The following LRRC4C variants were observed in gnomAD, a reference collection of about 807,000 sequenced individuals.
LRRC4C encodes the protein leucine rich repeat containing 4C.
A neutral mutation model predicts 33.6 loss-of-function variants in LRRC4C; 5 were observed. The observed-to-expected ratio is 0.15, with a 90% confidence interval of 0.08 to 0.31. The LOEUF (loss-of-function observed/expected upper bound fraction) is 0.31, where lower values mean the gene tolerates loss of function less well. LRRC4C is among the 10% of genes least tolerant of loss of function. LRRC4C has a pLI of 1.00. For synonymous variants in LRRC4C, 329 were observed against 302.0 expected (o/e 1.09, Z -0.93); for missense variants, 560 against 796.7 (o/e 0.70, Z 3.58).
At chr11:40,633,029 C>A (rs1207829914) in intron 3 of LRRC4C, among the ~76,000 whole-genome samples, 15 of 152,076 alleles carry the variant, frequency 9.9e-5, no homozygotes, top group Admixed American at 9.8e-4. Flanking sequence ...TTTTTCTTAA[C>A]CATTTTATGT....
chr11:40,574,353 T>C (rs1958098903), intron 3 of LRRC4C, among the ~76,000 whole-genome samples: 1 of 152,146 alleles, frequency 6.6e-6, no homozygotes, highest in Non-Finnish European at 1.5e-5. Flanking sequence ...AGCCCTGACA[T>C]GGGAAGCTGG....
At chr11:40,789,507 T>C (rs1950546960) in intron 2 of LRRC4C, among the ~76,000 whole-genome samples, 1 of 152,188 alleles carries the variant, frequency 6.6e-6, no homozygotes. Flanking sequence ...TCTCTCTCTC[T>C]CTCTGTTTTA....
intron 1 of LRRC4C, among the ~76,000 whole-genome samples, chr11:41,007,515 C>T (rs1592320404): frequency 6.6e-6 from 1 of 151,890 alleles, no homozygotes; most frequent in Non-Finnish European, 1.5e-5. Context: ...TGTAGCAATA[C>T]CACTTCTAGG....
intron 6 of LRRC4C, among the ~76,000 whole-genome samples, chr11:40,127,107 T>C (rs1197737235): frequency 1.3e-5 from 2 of 151,316 alleles, no homozygotes; most frequent in Non-Finnish European, 2.9e-5. Context: ...TGAAACCCCG[T>C]CTCTACTAAA....
At chr11:41,102,832 G>A (rs1191318998) in intron 1 of LRRC4C, among the ~76,000 whole-genome samples, 3 of 152,020 alleles carry the variant, frequency 2.0e-5, no homozygotes, top group Admixed American at 2.0e-4. Context: ...TAGGAACAAA[G>A]AATGCTAATG....
chr11:40,432,475 G>C (rs910613128), intron 3 of LRRC4C, among the ~76,000 whole-genome samples: 1 of 152,126 alleles, frequency 6.6e-6, no homozygotes, highest in Admixed American at 6.5e-5. Context: ...GGTTCTTAAC[G>C]TATTGCTAAA....
chr11:40,838,374 T>C (rs7128152), intron 2 of LRRC4C, among the ~76,000 whole-genome samples: 31,534 of 152,146 alleles, frequency 0.21, 3,869 homozygotes, highest in African/African-American at 0.34. Context: ...CAGAATATCT[T>C]CTTCTGGGAT....
intron 1 of LRRC4C, among the ~76,000 whole-genome samples, chr11:41,347,461 T>G (rs1951840730): frequency 6.6e-6 from 1 of 152,162 alleles, no homozygotes; most frequent in Non-Finnish European, 1.5e-5. Flanking sequence ...CACTTGATCA[T>G]GTGCTTCAAA....
chr11:40,629,985 C>T (rs1487420404), intron 3 of LRRC4C, among the ~76,000 whole-genome samples: 1 of 152,016 alleles, frequency 6.6e-6, no homozygotes, highest in Non-Finnish European at 1.5e-5. Flanking sequence ...ACTAAAATCT[C>T]TAATATCATA....
At chr11:40,418,306 AAC>A in intron 3 of LRRC4C, among the ~76,000 whole-genome samples, 1 of 152,354 alleles carries the variant, frequency 6.6e-6, no homozygotes, top group South Asian at 2.1e-4. Context: ...AAAGGAAAAG[AAC>A]AGACACTTCT....
intron 2 of LRRC4C, among the ~76,000 whole-genome samples, chr11:40,667,781 C>A (rs1943892090): frequency 6.6e-6 from 1 of 152,168 alleles, no homozygotes; most frequent in Non-Finnish European, 1.5e-5. Context: ...GAAGAAGACT[C>A]CAAACTTCAG....
At chr11:40,510,758 A>T (rs549597847) in intron 3 of LRRC4C, among the ~76,000 whole-genome samples, 13 of 152,326 alleles carry the variant, frequency 8.5e-5, no homozygotes, top group African/African-American at 2.9e-4. Context: ...TGGGAAAACC[A>T]TTGCAGGACT....
At chr11:40,236,370 A>G (rs1865558991) in intron 5 of LRRC4C, among the ~76,000 whole-genome samples, 1 of 152,174 alleles carries the variant, frequency 6.6e-6, no homozygotes, top group Admixed American at 6.5e-5. Flanking sequence ...TTTTCCTCAT[A>G]TGACTGCATA....
At chr11:41,081,523 T>C (rs1018416239) in intron 1 of LRRC4C, among the ~76,000 whole-genome samples, 7 of 152,108 alleles carry the variant, frequency 4.6e-5, no homozygotes, top group Non-Finnish European at 1.5e-5. Flanking sequence ...ACTTCTCTCC[T>C]TCTCTTTCAG....
chr11:41,361,965 G>A (rs553951055), intron 1 of LRRC4C, among the ~76,000 whole-genome samples: 1 of 152,172 alleles, frequency 6.6e-6, no homozygotes, highest in East Asian at 1.9e-4. Context: ...ATTAATAATT[G>A]CTACTATTCA....
rs140429192 is a variant in LRRC4C at position 40,502,096 on chromosome 11, T to A, written c.-270+146046A>T. ...TCTCCTTGCTACAACATAACAAGAG[T>A]CACCTTTGCTCTAGTTCCCAACTAG... On this transcript the variant is annotated intron_variant, in intron 3 of 6. Transcript: ENST00000528697. 1.2e-3 allele frequency among the ~76,000 whole-genome samples: 181 copies of A among 152,144 alleles called. 1 individual carries two copies. The highest frequency in any genetic ancestry group is 4.2e-3 in the African/African-American group (175 of 41,518).
At chr11:40,518,416 A>G (rs1312323832) in intron 3 of LRRC4C, among the ~76,000 whole-genome samples, 4 of 152,224 alleles carry the variant, frequency 2.6e-5, no homozygotes, top group Non-Finnish European at 5.9e-5. Context: ...ATTTACAAGA[A>G]AAAAACAACC....
intron 4 of LRRC4C, among the ~76,000 whole-genome samples, chr11:40,271,586 G>A (rs1021025813): frequency 3.3e-5 from 5 of 152,110 alleles, no homozygotes; most frequent in Non-Finnish European, 7.4e-5. Flanking sequence ...AAACAGCTTC[G>A]ATGAATGTAG....
At chr11:41,439,342 A>G (rs928639698) in intron 1 of LRRC4C, among the ~76,000 whole-genome samples, 1 of 152,132 alleles carries the variant, frequency 6.6e-6, no homozygotes, top group Admixed American at 6.5e-5. Flanking sequence ...ATATACATAC[A>G]ATTGCAGATA....
Sources: gnomAD v4.1 joint callset for allele counts (sites outside exome capture counted in the v4.1 genomes callset) on GRCh38, gnomAD v4.1.1 for gene constraint, MANE v1.5 for transcripts, NCBI Gene and HGNC (gene_info 2026-07-23, HGNC 2026-07-21) for gene names.